MDN1: variants seen among roughly 807,000 people sequenced by gnomAD.
The protein encoded by MDN1 is midasin.
A neutral mutation model predicts 669.2 loss-of-function variants in MDN1; 266 were observed. The observed-to-expected ratio is 0.40, with a 90% confidence interval of 0.36 to 0.44. The LOEUF is 0.44. Ranked by LOEUF, MDN1 falls within the 20% of genes least tolerant of loss-of-function variation. MDN1 has a pLI of 1.00. For missense variants in MDN1, 5,940 were observed against 6,754.0 expected (o/e 0.88, Z 4.22); for synonymous variants, 2,385 against 2,457.1 (o/e 0.97, Z 0.87).
chr6:89,666,609 A>G (rs1297028140), intron 84 of MDN1, among the ~76,000 whole-genome samples: 1 of 152,198 alleles, frequency 6.6e-6, no homozygotes, highest in Non-Finnish European at 1.5e-5. Context: ...CTAGGAATCC[A>G]GGCGTTAGCC....
intron 88 of MDN1, among the ~76,000 whole-genome samples, chr6:89,659,206 T>C (rs1429745776): frequency 6.6e-6 from 1 of 152,102 alleles, no homozygotes; most frequent in Admixed American, 6.5e-5. Flanking sequence ...GACCCCATCT[T>C]TTACAAAAAA....
rs1422898069 is a variant in MDN1, at chr6:89,649,903, T to G, written c.16206+121A>C. On this transcript the variant is annotated intron_variant, in intron 97 of 101. Coordinates refer to ENST00000369393, the MANE Select transcript of MDN1 (RefSeq NM_014611.3). ...AACAGGCCTAACAGGTATTTCAAAA[T>G]GTTTTAGCCATATCATATTTAAAGC... 4 of 1,026,724 alleles carry G rather than the reference T, an allele frequency of 3.9e-6. No individual in the cohort carries two copies. The East Asian group carries it at 9.6e-5, about 25-fold the overall frequency. 63.6% of individuals were successfully genotyped at this position (1,026,724 alleles called of 1,614,324 possible).
chr6:89,758,103 A>C (rs1017537517), intron 19 of MDN1, 152 bp downstream of exon 19: 16 of 629,036 alleles, frequency 2.5e-5, no homozygotes, highest in Non-Finnish European at 4.2e-5. Context: ...AATCCCGGCT[A>C]TTCAGGATTC....
intron 83 of MDN1, among the ~76,000 whole-genome samples, chr6:89,670,190 T>TTTTTTTTTTGG (rs1810641625): frequency 8.1e-6 from 1 of 124,096 alleles, no homozygotes; most frequent in African/African-American, 3.2e-5. Flanking sequence ...TTTTTTTTTT[T>TTTTTTTTTTGG]GAGATGCAGT....
At chr6:89,806,919 A>G (rs537902079) in intron 1 of MDN1, among the ~76,000 whole-genome samples, 4 of 152,144 alleles carry the variant, frequency 2.6e-5, no homozygotes, top group Admixed American at 2.0e-4. Flanking sequence ...GACTCTCTTA[A>G]AAATAAAATA....
In MDN1 at chr6:89,646,617, A is replaced by C. The variant is rs773613708; in HGVS notation, c.16396-14T>G. 1 of 1,611,306 alleles carries C rather than the reference A, an allele frequency of 6.2e-7. No individual in the cohort carries two copies. The highest frequency in any genetic ancestry group is 1.7e-5 in the Admixed American group (1 of 59,994). On this transcript the variant is annotated splice_polypyrimidine_tract_variant and intron_variant, in intron 99 of 101. Transcript: ENST00000369393. The stretch of plus-strand genomic sequence containing the variant: ...AGACTCTAGAAACTAAACCGGAACC[A>C]GGAATAGACAATTAGAAAACTATGT...
intron 53 of MDN1, among the ~76,000 whole-genome samples, chr6:89,703,399 T>C (rs1813296892): frequency 6.6e-6 from 1 of 151,650 alleles, no homozygotes; most frequent in African/African-American, 2.4e-5. Context: ...GAATCCTCTG[T>C]TTTATTGGTT....
chr6:89,733,118 T>C (rs1170235877), intron 33 of MDN1, among the ~76,000 whole-genome samples: 2 of 152,236 alleles, frequency 1.3e-5, no homozygotes, highest in Non-Finnish European at 2.9e-5. Flanking sequence ...TTAGAAAATA[T>C]GCAAATTTTG....
chr6:89,765,195 T>C (rs947393188), intron 15 of MDN1, among the ~76,000 whole-genome samples: 1 of 152,160 alleles, frequency 6.6e-6, no homozygotes, highest in Admixed American at 6.6e-5. Context: ...GAACAGAGGT[T>C]GCAGTGAGCC....
rs1368025706 is a variant in MDN1, at chr6:89,677,649, G to C, written c.12460C>G (p.Gln4154Glu). 1.9e-6 allele frequency: 3 copies of C among 1,614,084 alleles called. No homozygotes were observed. The highest frequency in any genetic ancestry group is 1.7e-5 in the Admixed American group (1 of 60,010). ...GLAWARSKNP[Q>E]EMLHLHPLDL... Reference sequence around the variant, plus strand: ...AATGGGTGAAGATGAAGCATCTCTTGAGGGTTTTTTGAACGGGCCCAAGCA... The same window carrying C: ...AATGGGTGAAGATGAAGCATCTCTTCAGGGTTTTTTGAACGGGCCCAAGCA... Residue 4154 changes from glutamine (Q) to glutamate (E), a missense_variant, in exon 76 of 102, where the codon CAA becomes GAA. Transcript: ENST00000369393.
intron 35 of MDN1, among the ~76,000 whole-genome samples, chr6:89,729,675 T>C (rs1815454191): frequency 1.4e-5 from 2 of 144,094 alleles, no homozygotes; most frequent in African/African-American, 5.0e-5. Context: ...TGTTTTGTTT[T>C]CGTTTTTTTT....
chr6:89,727,973 ATGG>A lies in MDN1; in HGVS notation c.5350-21_5350-19del. The A allele has an allele frequency of 6.3e-7, 1 of 1,595,360 alleles. No individual in the cohort carries two copies. The highest frequency in any genetic ancestry group is 1.8e-5 in the Admixed American group (1 of 55,118). On this transcript the variant is annotated intron_variant, in intron 36 of 101. Coordinates refer to ENST00000369393, the MANE Select transcript of MDN1 (RefSeq NM_014611.3). ...GTGATGTCCTTTGAAAGGGGAAGAA[ATGG>A]AAAGAAGCCATTATTACTTTAAAAA...
chr6:89,763,632 T>G (rs1817663851), intron 15 of MDN1, among the ~76,000 whole-genome samples: 1 of 152,162 alleles, frequency 6.6e-6, no homozygotes, highest in South Asian at 2.1e-4. Context: ...TCAGGAAGAA[T>G]GAGATAAATC....
At chr6:89,811,500 G>C (rs1434037739) in intron 1 of MDN1, among the ~76,000 whole-genome samples, 2 of 151,734 alleles carry the variant, frequency 1.3e-5, no homozygotes, top group Non-Finnish European at 2.9e-5. Flanking sequence ...GCAGTGGTAC[G>C]ATGTCGGCTC....
chr6:89,762,775 CCTAGCATGG>C (rs1296137236), intron 15 of MDN1, among the ~76,000 whole-genome samples: 1 of 152,204 alleles, frequency 6.6e-6, no homozygotes, highest in Non-Finnish European at 1.5e-5. Context: ...AAAAAACTAG[CCTAGCATGG>C]CTGCTCACAT....
chr6:89,710,884 T>G, intron 49 of MDN1, 90 bp from the exon 50 acceptor site: 1 of 719,286 alleles, frequency 1.4e-6, no homozygotes, highest in East Asian at 3.1e-5. Context: ...TACAGCTGCA[T>G]AGAATAACCA....
intron 9 of MDN1, 23 bp from the exon 10 acceptor site, chr6:89,781,615 A>C (rs569572769): frequency 1.3e-6 from 2 of 1,527,808 alleles, no homozygotes; most frequent in Admixed American, 4.3e-5. Flanking sequence ...GAAAAAAAAG[A>C]AAATTTAACA....
At chr6:89,682,470 A>C (rs1811682747) in intron 73 of MDN1, among the ~76,000 whole-genome samples, 1 of 152,124 alleles carries the variant, frequency 6.6e-6, no homozygotes. Flanking sequence ...GCACTTTGGG[A>C]GGCTGAGGTG....
Position 89,680,568 on chromosome 6 carries a change from G to A in MDN1, c.12265+21C>T, listed in dbSNP as rs1811540495. ...GGGGAAAACAGAAAGATCCACCCTT[G>A]ACTTGGATGCTGGCACCCACCTGTG... On this transcript the variant is annotated intron_variant, in intron 74 of 101. Coordinates refer to ENST00000369393, the MANE Select transcript of MDN1 (RefSeq NM_014611.3). 8 of 1,609,164 alleles carry A rather than the reference G, an allele frequency of 5.0e-6. No homozygotes were observed. In the African/African-American group the frequency reaches 8.0e-5, roughly 16 times the overall value.
Sources: gnomAD v4.1 joint callset for allele counts (sites outside exome capture counted in the v4.1 genomes callset) on GRCh38, gnomAD v4.1.1 for gene constraint, MANE v1.5 for transcripts, NCBI Gene and HGNC (gene_info 2026-07-23, HGNC 2026-07-21) for gene names.